DPP6: variants seen among roughly 807,000 people sequenced by gnomAD.
The protein encoded by DPP6 is A-type potassium channel modulatory protein DPP6.
In DPP6, 69 loss-of-function variants were observed where a neutral mutation model predicts 122.6. The ratio of observed to expected loss-of-function variants is 0.56; its 90% confidence interval spans 0.46 to 0.69. The LOEUF (loss-of-function observed/expected upper bound fraction) is 0.69. Among genes scored for constraint, DPP6 ranks in the 30% least tolerant of loss-of-function variants. The probability of loss-of-function intolerance (pLI) is 0.00; values close to 1 mark genes in which losing one functional copy is unlikely to be tolerated. For missense variants in DPP6, 928 were observed against 1,116.9 expected (o/e 0.83, Z 2.41); for synonymous variants, 418 against 433.1 (o/e 0.97, Z 0.43).
chr7:154,826,234 T>C (rs565812231), intron 16 of DPP6, among the ~76,000 whole-genome samples: 1 of 152,222 alleles, frequency 6.6e-6, no homozygotes, highest in African/African-American at 2.4e-5. Context: ...CTTAAGTAAC[T>C]GTTGAGAAAA....
intron 5 of DPP6, among the ~76,000 whole-genome samples, chr7:154,600,872 A>C (rs1833382633): frequency 8.4e-6 from 1 of 119,488 alleles, no homozygotes; most frequent in African/African-American, 2.7e-5. Context: ...CAGGTGGATC[A>C]CCTGAGGTCA....
At chr7:154,560,725 A>T (rs994600328) in intron 4 of DPP6, among the ~76,000 whole-genome samples, 20 of 152,192 alleles carry the variant, frequency 1.3e-4, no homozygotes, top group Middle Eastern at 3.4e-3. Flanking sequence ...TCTGCTAAAA[A>T]TATAAAAGTT....
chr7:154,404,461 A>ATAAGAAGGAT (rs1285554278), intron 1 of DPP6, among the ~76,000 whole-genome samples: 11 of 152,230 alleles, frequency 7.2e-5, no homozygotes, highest in African/African-American at 2.7e-4. Context: ...TTTACCACAA[A>ATAAGAAGGAT]TAAGAAGGAT....
chr7:153,976,856 C>T (rs1262609359), intron 1 of DPP6, among the ~76,000 whole-genome samples: 5 of 152,148 alleles, frequency 3.3e-5, no homozygotes, highest in East Asian at 3.9e-4. Context: ...GAAGGGACAT[C>T]GGGGCTGCCA....
chr7:154,179,953 CTT>C (rs1159704080), intron 1 of DPP6, among the ~76,000 whole-genome samples: 1 of 152,156 alleles, frequency 6.6e-6, no homozygotes, highest in East Asian at 1.9e-4. Context: ...CCAACAACCT[CTT>C]TTAAAAATTG....
At chr7:153,908,039 T>G (rs907725827) in intron 1 of DPP6, among the ~76,000 whole-genome samples, 1 of 151,240 alleles carries the variant, frequency 6.6e-6, no homozygotes, top group African/African-American at 2.4e-5. Flanking sequence ...GTTTTTTTTT[T>G]TTTTTTTTTT....
At chr7:154,238,513 C>T (rs573967663) in intron 1 of DPP6, among the ~76,000 whole-genome samples, 56 of 152,202 alleles carry the variant, frequency 3.7e-4, no homozygotes, top group African/African-American at 1.3e-3. Context: ...TTAAGTAACA[C>T]GATAGCCTAA....
At chr7:154,415,706 G>A (rs1356740814) in intron 1 of DPP6, among the ~76,000 whole-genome samples, 10 of 148,914 alleles carry the variant, frequency 6.7e-5, no homozygotes, top group Admixed American at 2.7e-4. Context: ...TGATAGTAGC[G>A]TTGGGCAGTA....
At chr7:153,868,501 C>T in the DPP6 span, among the ~76,000 whole-genome samples, 1 of 152,016 alleles carries the variant, frequency 6.6e-6, no homozygotes, top group African/African-American at 2.4e-5. Context: ...GGTGATATAA[C>T]CTTTGTCATT....
chr7:154,020,167 C>A (rs397834683), intron 1 of DPP6, among the ~76,000 whole-genome samples: 6 of 152,236 alleles, frequency 3.9e-5, no homozygotes, highest in South Asian at 2.1e-4. Context: ...GTCAAGATGT[C>A]GTTTTGGGTT....
intron 5 of DPP6, among the ~76,000 whole-genome samples, chr7:154,569,108 A>AAAATACCTCAGTTG (rs1563868671): frequency 3.9e-5 from 6 of 152,106 alleles, no homozygotes; most frequent in African/African-American, 1.4e-4. Flanking sequence ...TAATAAAAGG[A>AAAATACCTCAGTTG]TTACATATGG....
At chr7:153,813,465 G>T in the DPP6 span, among the ~76,000 whole-genome samples, 2 of 152,086 alleles carry the variant, frequency 1.3e-5, no homozygotes, top group Non-Finnish European at 2.9e-5. Context: ...TTGCTATTGT[G>T]AATAGTGCCG....
chr7:154,553,755 T>C (rs1467279713), intron 4 of DPP6, among the ~76,000 whole-genome samples: 2 of 152,136 alleles, frequency 1.3e-5, no homozygotes, highest in Non-Finnish European at 2.9e-5. Flanking sequence ...GCCATTCCAT[T>C]ACTGAGAAGG....
intron 1 of DPP6, among the ~76,000 whole-genome samples, chr7:153,988,283 G>A (rs1380942045): frequency 6.6e-6 from 1 of 152,072 alleles, no homozygotes; most frequent in Non-Finnish European, 1.5e-5. Flanking sequence ...ACCAGTCCGC[G>A]GAGCTCCGGG....
the DPP6 span, among the ~76,000 whole-genome samples, chr7:153,833,061 A>G: frequency 6.6e-6 from 1 of 152,210 alleles, no homozygotes; most frequent in Non-Finnish European, 1.5e-5. Context: ...CTCATCTTCA[A>G]CATTTGTTTA....
At chr7:154,183,239 A>G (rs1379808910) in intron 1 of DPP6, among the ~76,000 whole-genome samples, 3 of 152,156 alleles carry the variant, frequency 2.0e-5, no homozygotes, top group Non-Finnish European at 1.5e-5. Context: ...TTTTCAGTGC[A>G]TGACTTTCAC....
intron 5 of DPP6, among the ~76,000 whole-genome samples, chr7:154,584,812 A>G (rs1385496978): frequency 3.3e-5 from 5 of 152,230 alleles, no homozygotes; most frequent in Non-Finnish European, 2.9e-5. Context: ...AGCATGCACA[A>G]AGCCTGCCTC....
intron 4 of DPP6, among the ~76,000 whole-genome samples, chr7:154,552,723 C>T (rs912139835): frequency 6.6e-6 from 1 of 152,148 alleles, no homozygotes; most frequent in East Asian, 1.9e-4. Flanking sequence ...GAGTCTTTAA[C>T]AAGTTGGAAG....
chr7:154,190,383 A>T (rs372982643), intron 1 of DPP6, among the ~76,000 whole-genome samples: 1 of 152,104 alleles, frequency 6.6e-6, no homozygotes, highest in African/African-American at 2.4e-5. Context: ...CCCTCTAGTA[A>T]TGTCAAGATT....
Sources: gnomAD v4.1 joint callset for allele counts (sites outside exome capture counted in the v4.1 genomes callset) on GRCh38, gnomAD v4.1.1 for gene constraint, MANE v1.5 for transcripts, NCBI Gene and HGNC (gene_info 2026-07-23, HGNC 2026-07-21) for gene names.